Variants in QPCT observed in about 807,000 individuals in gnomAD.
QPCT encodes the protein EC.
In QPCT, 44 loss-of-function variants were observed where a neutral mutation model predicts 43.4. The ratio of observed to expected loss-of-function variants is 1.01; its 90% CI spans 0.80 to 1.30. The LOEUF (loss-of-function observed/expected upper bound fraction) is 1.30, where lower values mean the gene tolerates loss of function less well. Among genes scored for constraint, QPCT ranks in the 50% most tolerant of loss-of-function variants. The probability of loss-of-function intolerance (pLI) is 0.00; values close to 1 mark genes in which losing one functional copy is unlikely to be tolerated. For synonymous variants in QPCT, 168 were observed against 168.4 expected (o/e 1.00, Z 0.02); for missense variants, 526 against 436.5 (o/e 1.21, Z -1.83).
intron 1 of QPCT, among the ~76,000 whole-genome samples, chr2:37,350,242 G>T (rs72864843): frequency 0.037 from 5,580 of 152,308 alleles, 341 homozygotes; most frequent in African/African-American, 0.13. Context: ...CCGAAGCATG[G>T]TGAGCAAGGG....
At chr2:37,368,501 C>T (rs1558607356) in intron 4 of QPCT, 1 of 436,776 alleles carries the variant, frequency 2.3e-6, no homozygotes, top group Admixed American at 2.5e-5. Flanking sequence ...TTCCCAGCAC[C>T]CCCGCTTATT....
intron 3 of QPCT, 90 bp from the exon 4 acceptor site, chr2:37,367,142 A>G (rs1672979416): frequency 7.3e-7 from 1 of 1,373,968 alleles, no homozygotes; most frequent in Non-Finnish European, 9.9e-7. Flanking sequence ...TTTATGGCAC[A>G]TCTATCTTTT....
chr2:37,357,657 C>T (rs1672776561), intron 2 of QPCT, among the ~76,000 whole-genome samples: 1 of 152,102 alleles, frequency 6.6e-6, no homozygotes. Flanking sequence ...GGACAAAGTC[C>T]ACCCACTATA....
At chr2:37,354,594 G>A (rs147885610) in intron 2 of QPCT, among the ~76,000 whole-genome samples, 2 of 152,286 alleles carry the variant, frequency 1.3e-5, no homozygotes, top group African/African-American at 4.8e-5. Context: ...GAGCTGGGAG[G>A]AATCAGCTCT....
chr2:37,353,380 C>T (rs376543207), intron 2 of QPCT, among the ~76,000 whole-genome samples: 4 of 152,184 alleles, frequency 2.6e-5, no homozygotes, highest in South Asian at 4.1e-4. Flanking sequence ...ATAAGCTAGC[C>T]GCATTTCTCC....
chr2:37,346,080 C>G (rs1672483997), intron 1 of QPCT, among the ~76,000 whole-genome samples: 1 of 152,126 alleles, frequency 6.6e-6, no homozygotes, highest in African/African-American at 2.4e-5. Flanking sequence ...TGTATTTACT[C>G]AAATGTTTGA....
intron 1 of QPCT, among the ~76,000 whole-genome samples, chr2:37,351,313 G>A (rs1672615562): frequency 6.6e-6 from 1 of 152,084 alleles, no homozygotes; most frequent in Non-Finnish European, 1.5e-5. Flanking sequence ...CTGATCAATT[G>A]TTCTCTTCCT....
chr2:37,357,154 G>T (rs1432584971), intron 2 of QPCT, among the ~76,000 whole-genome samples: 2 of 152,192 alleles, frequency 1.3e-5, no homozygotes, highest in South Asian at 2.1e-4. Context: ...TGACTTCTGA[G>T]TATTGCTAAC....
chr2:37,358,222 C>T (rs899630060), intron 2 of QPCT, among the ~76,000 whole-genome samples: 7 of 151,360 alleles, frequency 4.6e-5, no homozygotes, highest in South Asian at 2.1e-4. Context: ...AGACCAGCCC[C>T]GGCAATATGG....
At chr2:37,346,274 G>T (rs775660168) in intron 1 of QPCT, among the ~76,000 whole-genome samples, 6 of 152,208 alleles carry the variant, frequency 3.9e-5, no homozygotes, top group Non-Finnish European at 7.3e-5. Flanking sequence ...TGTAACATAA[G>T]AATAACTTTA....
Position 37,359,668 on chromosome 2 carries a change from C to A in QPCT, c.356C>A (p.Ser119Tyr), listed in dbSNP as rs777455765. 4 of 1,614,108 alleles carry A rather than the reference C, an allele frequency of 2.5e-6. No individual in the cohort carries two copies. In the East Asian group the frequency reaches 8.9e-5, roughly 36 times the overall value. The change falls in exon 3 of 7, where the codon TCT becomes TAT. Residue 119 changes from serine to tyrosine, a missense_variant. Physicochemically the swap from Ser to Tyr is moderately radical, Grantham distance 144. Coordinates refer to ENST00000338415, the MANE Select transcript of QPCT (RefSeq NM_012413.4). ...AGTCAGACACCCTATGGGTACCGGT[C>A]TTTCTCAAATATCATCAGCACCCTC... ...FLSQTPYGYR[S>Y]FSNIISTLNP... is the part of the protein sequence containing the mutation.
At chr2:37,356,893 C>T (rs151273152) in intron 2 of QPCT, among the ~76,000 whole-genome samples, 258 of 151,854 alleles carry the variant, frequency 1.7e-3, no homozygotes, top group African/African-American at 6.0e-3. Flanking sequence ...GTGGTCCCAG[C>T]TTTTCGGGAG....
chr2:37,367,161 TA>T, intron 3 of QPCT, 70 bp from the exon 4 acceptor site: 1 of 1,473,342 alleles, frequency 6.8e-7, no homozygotes, highest in Admixed American at 2.0e-5. Context: ...TTTGCCCAAT[TA>T]ATAGAAAATC....
intron 1 of QPCT, 53 bp downstream of exon 1, chr2:37,344,904 G>A (rs1672448100): frequency 4.0e-6 from 6 of 1,498,852 alleles, no homozygotes; most frequent in Non-Finnish European, 5.3e-6. Flanking sequence ...TCCGATGCGA[G>A]GACCCCTGGC....
At chr2:37,355,104 T>G (rs774512880) in intron 2 of QPCT, among the ~76,000 whole-genome samples, 2 of 152,254 alleles carry the variant, frequency 1.3e-5, no homozygotes, top group Non-Finnish European at 2.9e-5. Context: ...GAGATATTTA[T>G]GGACAGTATT....
intron 2 of QPCT, 148 bp downstream of exon 2, chr2:37,353,083 A>T: frequency 1.1e-6 from 1 of 908,054 alleles, no homozygotes; most frequent in East Asian, 2.7e-5. Context: ...AAATCAAATG[A>T]CTGAGAGTAC....
intron 4 of QPCT, among the ~76,000 whole-genome samples, chr2:37,369,298 C>T (rs1303410925): frequency 6.6e-6 from 1 of 152,158 alleles, no homozygotes; most frequent in African/African-American, 2.4e-5. Context: ...TTTATCATTA[C>T]AGATTAAGGA....
chr2:37,367,130 T>C (rs984906554), intron 3 of QPCT, 102 bp from the exon 4 acceptor site: 1 of 1,317,120 alleles, frequency 7.6e-7, no homozygotes, highest in African/African-American at 1.5e-5. Flanking sequence ...TATCTTCCTT[T>C]CTTTATGGCA....
Position 37,372,954 on chromosome 2 carries a change from A to G in QPCT, c.*127A>G. The G allele has an allele frequency of 1.3e-6, 1 of 781,252 alleles. No individual in the cohort carries two copies. The highest frequency in any genetic ancestry group is 2.8e-5 in the East Asian group (1 of 35,104). The allele number at this position is 781,252 out of a possible 1,614,324, so 48.4% of individuals were successfully genotyped here. A position where few individuals can be genotyped will look rare whatever the true frequency, so the allele number is the denominator to read the frequency against. The stretch of plus-strand genomic sequence containing the variant: ...CTATCCTATAGATCATCCTATTCTT[A>G]TGTGTCTTTGGTTATCAGATCAATT... On this transcript the variant is annotated 3_prime_UTR_variant, in exon 7 of 7. Coordinates refer to ENST00000338415, the MANE Select transcript of QPCT (RefSeq NM_012413.4).
Sources: allele counts gnomAD v4.1 joint callset (sites outside exome capture counted in the v4.1 genomes callset), GRCh38; gene constraint gnomAD v4.1.1; transcripts MANE v1.5; gene names NCBI Gene and HGNC (gene_info 2026-07-23, HGNC 2026-07-21).